SNED1: variants seen among roughly 807,000 people sequenced by gnomAD.
SNED1 encodes the protein sushi, nidogen and EGF like domains 1.
In SNED1, 81 loss-of-function variants were observed where a neutral mutation model predicts 166.7. The observed-to-expected ratio is 0.49, with a 90% CI of 0.41 to 0.58. The LOEUF (loss-of-function observed/expected upper bound fraction) is 0.58, where lower values mean the gene tolerates loss of function less well. SNED1 is among the 20% of genes least tolerant of loss of function. The pLI is 0.00. For synonymous variants in SNED1, 762 were observed against 822.0 expected (o/e 0.93, Z 1.25); for missense variants, 1,604 against 2,000.2 (o/e 0.80, Z 3.78).
intron 1 of SNED1, among the ~76,000 whole-genome samples, chr2:241,021,543 C>CTTT (rs1221034259): frequency 1.3e-5 from 2 of 152,180 alleles, no homozygotes; most frequent in African/African-American, 4.8e-5. Flanking sequence ...GAGTCATAGT[C>CTTT]TTTTGGGACT....
At position 241,048,694 on chromosome 2, in the gene SNED1, G is replaced by A. The variant is rs1250779316; in HGVS notation, c.1432G>A (p.Gly478Ser). The A allele has an allele frequency of 1.2e-6, 2 of 1,612,632 alleles. No homozygotes were observed. Among genetic ancestry groups the A allele is most frequent in the Non-Finnish European group, 1.7e-6 (2 of 1,179,448 alleles). Reference sequence around the variant, plus strand: ...CGATGACTGTGAGTGCCGCAACGGAGGCAGATGCCTGGGCGCCAACACCAC... The same window carrying A: ...CGATGACTGTGAGTGCCGCAACGGAAGCAGATGCCTGGGCGCCAACACCAC... ...VPDDCECRNG[G>S]RCLGANTTLC... The change falls in exon 10 of 32, where the codon GGC becomes AGC. Residue 478 changes from glycine (G) to serine (S), a missense_variant. Gly to Ser is a moderately conservative substitution (Grantham distance 56). Around this residue, in one of 2 missense-constraint regions of SNED1, gnomAD observed 1,237 missense variants for 1,620.8 expected, o/e 0.76. Transcript: ENST00000310397.
intron 1 of SNED1, among the ~76,000 whole-genome samples, chr2:241,003,750 G>T (rs1004814775): frequency 2.6e-5 from 4 of 152,232 alleles, no homozygotes; most frequent in African/African-American, 9.7e-5. Context: ...GACCTGCTTA[G>T]AGAAGAGACT....
chr2:241,082,627 T>G (rs768701337), intron 29 of SNED1, among the ~76,000 whole-genome samples: 2 of 152,286 alleles, frequency 1.3e-5, no homozygotes, highest in South Asian at 2.1e-4. Flanking sequence ...CCCCAGGCCT[T>G]CCTTCCCACA....
At chr2:241,019,729 C>T (rs530797672) in intron 1 of SNED1, among the ~76,000 whole-genome samples, 5 of 152,294 alleles carry the variant, frequency 3.3e-5, no homozygotes, top group South Asian at 2.1e-4. Flanking sequence ...CCTGCACGAG[C>T]GGCCCAGGCT....
intron 2 of SNED1, among the ~76,000 whole-genome samples, chr2:241,032,561 C>T (rs1290395373): frequency 6.6e-6 from 1 of 151,946 alleles, no homozygotes; most frequent in Non-Finnish European, 1.5e-5. Flanking sequence ...GTGCAGCACA[C>T]CAACATGGCA....
Position 241,011,175 on chromosome 2 carries a change from GGGTCTCCTGGGTCTCCTGGGGGTGGCA to G in SNED1, c.213+12146_213+12172del, listed in dbSNP as rs1473256048. On this transcript the variant is annotated intron_variant, in intron 1 of 31. Transcript: ENST00000310397. ...GTCTCCTGGGGGTGGCAGGTCTCCT[GGGTCTCCTGGGTCTCCTGGGGGTGGCA>G]GGTCTCCTGGGTCTCCTGGGTCTCC... is the stretch of plus-strand genomic sequence containing the variant. Among the ~76,000 whole-genome samples the G allele has an allele frequency of 7.5e-3, 1,077 of 143,692 alleles. 65 individuals are homozygous for G. Among genetic ancestry groups the G allele is most frequent in the African/African-American group, 0.026 (1,005 of 38,640 alleles). The allele number at this position is 143,692 out of a possible 152,430, so 94.3% of individuals were successfully genotyped here.
Position 240,999,234 on chromosome 2 carries a change from G to T in SNED1, c.213+184G>T, listed in dbSNP as rs932113012. Among the ~76,000 whole-genome samples, 8 of 149,834 alleles carry T rather than the reference G, an allele frequency of 5.3e-5. No homozygotes were observed. Among genetic ancestry groups the T allele is most frequent in the African/African-American group, 1.9e-4 (8 of 41,128 alleles). On this transcript the variant is annotated intron_variant, in intron 1 of 31. Coordinates refer to ENST00000310397, the MANE Select transcript of SNED1 (RefSeq NM_001080437.3). The surrounding 1 kb of genome is among the most constrained non-coding windows in gnomAD (Gnocchi z 5.8). ...CCGGACAGCGGCCCGCGGGAGAGGC[G>T]CGCGGGCGGGGCGGGGGCGGCAGCC...
At chr2:241,077,250 T>C (rs1003050623) in intron 27 of SNED1, among the ~76,000 whole-genome samples, 2 of 152,112 alleles carry the variant, frequency 1.3e-5, no homozygotes, top group Non-Finnish European at 2.9e-5. Context: ...CCTCGTACCA[T>C]ATACCTCATA....
At chr2:241,017,813 G>A (rs549871151) in intron 1 of SNED1, among the ~76,000 whole-genome samples, 58 of 152,332 alleles carry the variant, frequency 3.8e-4, no homozygotes, top group African/African-American at 1.3e-3. Flanking sequence ...AGCCCCGTAG[G>A]TCTAATTTGA....
chr2:241,089,311 G>C (rs938749127), intron 31 of SNED1: 4 of 1,550,200 alleles, frequency 2.6e-6, no homozygotes, highest in South Asian at 1.2e-5. Context: ...GCAGATGAGT[G>C]AGGCACCCTT....
chr2:241,016,341 A>G (rs1426160007), intron 1 of SNED1, among the ~76,000 whole-genome samples: 1 of 151,858 alleles, frequency 6.6e-6, no homozygotes, highest in East Asian at 1.9e-4. Context: ...GACCACAGGC[A>G]CCCACCACCT....
chr2:241,002,601 G>T (rs1559206436), intron 1 of SNED1, among the ~76,000 whole-genome samples: 1 of 152,152 alleles, frequency 6.6e-6, no homozygotes, highest in Non-Finnish European at 1.5e-5. Context: ...GAGAGAGCCT[G>T]ATGACTCCAG....
chr2:241,025,754 G>A (rs921461767), intron 1 of SNED1, among the ~76,000 whole-genome samples: 2 of 151,908 alleles, frequency 1.3e-5, no homozygotes, highest in Admixed American at 1.3e-4. Context: ...ACTTTATGTT[G>A]GCAGTTGTTT....
chr2:241,078,036 G>A (rs540612600), intron 27 of SNED1, among the ~76,000 whole-genome samples: 135 of 152,260 alleles, frequency 8.9e-4, no homozygotes, highest in African/African-American at 3.1e-3. Context: ...AATATTTATA[G>A]CAGCACAGCA....
At chr2:241,038,711 G>A (rs1172617937) in intron 6 of SNED1, among the ~76,000 whole-genome samples, 4 of 152,236 alleles carry the variant, frequency 2.6e-5, no homozygotes, top group African/African-American at 7.2e-5. Context: ...TGTGGCATTG[G>A]TGCCGTGGCA....
In SNED1 at chr2:241,064,241, G is replaced by A. The variant is rs2062348873; in HGVS notation, c.2599+116G>A. The A allele has an allele frequency of 1.7e-5, 11 of 641,198 alleles. No individual in the cohort carries two copies. Among genetic ancestry groups the A allele is most frequent in the East Asian group, 9.4e-5 (3 of 31,934 alleles). The allele number at this position is 641,198 out of a possible 1,614,324, so 39.7% of individuals were successfully genotyped here. A position where few individuals can be genotyped will look rare whatever the true frequency, so the allele number is the denominator to read the frequency against. On this transcript the variant is annotated intron_variant, in intron 19 of 31. Transcript: ENST00000310397. This position sits in a 1 kb window ranked among gnomAD's most constrained non-coding sequence, Gnocchi z 7.0. ...CCCGCCCTCTGCCCGCCTGCTCCCC[G>A]CCCTCTGCCCGCCGCCTTGGAAGTC... is the stretch of plus-strand genomic sequence containing the variant.
Position 241,073,509 on chromosome 2 carries a change from G to C in SNED1, c.3916+145G>C. 3 of 703,792 alleles carry C rather than the reference G, an allele frequency of 4.3e-6. No homozygotes were observed. Among genetic ancestry groups the C allele is most frequent in the Non-Finnish European group, 7.7e-6 (3 of 389,952 alleles). The allele number at this position is 703,792 out of a possible 1,614,324, so 43.6% of individuals were successfully genotyped here. A position where few individuals can be genotyped will look rare whatever the true frequency, so the allele number is the denominator to read the frequency against. On this transcript the variant is annotated intron_variant, in intron 27 of 31. Coordinates refer to ENST00000310397, the MANE Select transcript of SNED1 (RefSeq NM_001080437.3). The surrounding 1 kb of genome is among the most constrained non-coding windows in gnomAD (Gnocchi z 6.6). ...GGGGAGGCTGAGCACCAGGCACCCC[G>C]GTGTGGGAAGATGGGGTGAAGCTAC...
At chr2:241,079,871 AC>A (rs1198854330) in intron 27 of SNED1, among the ~76,000 whole-genome samples, 1 of 152,202 alleles carries the variant, frequency 6.6e-6, no homozygotes, top group African/African-American at 2.4e-5. Flanking sequence ...TAGTAGTAAT[AC>A]CTGAATTGTT....
At chr2:241,002,087 G>A (rs1396345666) in intron 1 of SNED1, among the ~76,000 whole-genome samples, 2 of 152,258 alleles carry the variant, frequency 1.3e-5, no homozygotes, top group Middle Eastern at 3.4e-3. Flanking sequence ...TGGTGTGGGA[G>A]TTCACATGCA....
Sources: allele counts gnomAD v4.1 joint callset (sites outside exome capture counted in the v4.1 genomes callset), GRCh38; gene constraint gnomAD v4.1.1; regional missense constraint gnomAD v4.1.1; non-coding constraint Gnocchi (gnomAD v3.1); transcripts MANE v1.5; gene names NCBI Gene and HGNC (gene_info 2026-07-23, HGNC 2026-07-21).